The following CADPS variants were observed in gnomAD, a reference collection of about 807,000 sequenced individuals.
CADPS encodes the protein calcium-dependent secretion activator 1.
Under a neutral mutation model 167.3 loss-of-function variants are expected in CADPS, and 57 were observed. The observed-to-expected ratio is 0.34, with a 90% CI of 0.28 to 0.42. The LOEUF is 0.42. CADPS is among the 20% of genes least tolerant of loss of function. The pLI is 1.00. For missense variants in CADPS, 1,414 were observed against 1,738.1 expected (o/e 0.81, Z 3.32); for synonymous variants, 676 against 635.3 (o/e 1.06, Z -0.96).
At chr3:62,531,452 A>T (rs1367372459) in intron 13 of CADPS, among the ~76,000 whole-genome samples, 1 of 152,210 alleles carries the variant, frequency 6.6e-6, no homozygotes, top group Non-Finnish European at 1.5e-5. Flanking sequence ...CAAACCTATG[A>T]TGCTATTGTT....
At chr3:62,840,533 A>G (rs1473213307) in intron 1 of CADPS, among the ~76,000 whole-genome samples, 1 of 152,010 alleles carries the variant, frequency 6.6e-6, no homozygotes, top group Non-Finnish European at 1.5e-5. Flanking sequence ...CAGAAGACAA[A>G]ATGTTGTGTA....
intron 17 of CADPS, among the ~76,000 whole-genome samples, chr3:62,512,299 G>A (rs1024279310): frequency 6.6e-6 from 1 of 152,048 alleles, no homozygotes; most frequent in Non-Finnish European, 1.5e-5. Flanking sequence ...GCTTTATCAT[G>A]CGATACATAC....
chr3:62,838,132 T>C (rs567525871), intron 1 of CADPS, among the ~76,000 whole-genome samples: 4 of 152,302 alleles, frequency 2.6e-5, no homozygotes, highest in African/African-American at 2.4e-5. Flanking sequence ...CTGGAAAAGA[T>C]GTGGCTACTT....
chr3:62,704,687 T>C (rs555585993), intron 3 of CADPS, among the ~76,000 whole-genome samples: 300 of 152,094 alleles, frequency 2.0e-3, no homozygotes, highest in Non-Finnish European at 3.7e-3. Context: ...ATTCCTCTTG[T>C]ATAAGGTAAA....
At chr3:62,840,292 C>A (rs966287838) in intron 1 of CADPS, among the ~76,000 whole-genome samples, 1 of 152,116 alleles carries the variant, frequency 6.6e-6, no homozygotes, top group African/African-American at 2.4e-5. Flanking sequence ...ACATCACATT[C>A]TTTCTGGGAA....
At position 62,481,875 on chromosome 3, in the gene CADPS, G is replaced by A. The variant is rs374239580; in HGVS notation, c.3027-6C>T. The A allele has an allele frequency of 2.9e-5, 46 of 1,603,840 alleles. No homozygotes were observed. Among genetic ancestry groups the A allele is most frequent in the Non-Finnish European group, 2.2e-5 (26 of 1,176,366 alleles). ...GTAGGTTACTGGTTAAACTCCTGTG[G>A]AAGAAACAGACAGAAAGAAAAAATA... is the stretch of plus-strand genomic sequence containing the variant. On this transcript the variant is annotated splice_region_variant and splice_polypyrimidine_tract_variant and intron_variant, in intron 21 of 29. Coordinates refer to ENST00000383710, the MANE Select transcript of CADPS (RefSeq NM_003716.4).
chr3:62,714,220 T>C (rs908249782), intron 3 of CADPS, among the ~76,000 whole-genome samples: 1 of 152,204 alleles, frequency 6.6e-6, no homozygotes, highest in East Asian at 1.9e-4. Flanking sequence ...TGGTAGTTTC[T>C]ATTAATTTCT....
chr3:62,438,248 A>C lies in CADPS; in HGVS notation c.3670-37T>G. On this transcript the variant is annotated intron_variant, in intron 27 of 29. Coordinates refer to ENST00000383710, the MANE Select transcript of CADPS (RefSeq NM_003716.4). The surrounding 1 kb of genome is among the most constrained non-coding windows in gnomAD (Gnocchi z 4.7). ...CAGGAAAACATGAAAACGAATTTTC[A>C]GACAGCCACTCTTCCTTGTTTACCA... The C allele has an allele frequency of 1.4e-6, 2 of 1,445,214 alleles. No homozygotes were observed. Among genetic ancestry groups the C allele is most frequent in the Non-Finnish European group, 1.9e-6 (2 of 1,026,610 alleles). The allele number at this position is 1,445,214 out of a possible 1,614,324, so 89.5% of individuals were successfully genotyped here.
At chr3:62,670,131 G>A (rs1035180115) in intron 3 of CADPS, among the ~76,000 whole-genome samples, 1 of 152,130 alleles carries the variant, frequency 6.6e-6, no homozygotes, top group South Asian at 2.1e-4. Context: ...AGCATCTACA[G>A]CTGCTGCACT....
chr3:62,668,227 A>G (rs539224178), intron 3 of CADPS, among the ~76,000 whole-genome samples: 7 of 152,222 alleles, frequency 4.6e-5, no homozygotes, highest in South Asian at 2.1e-4. Context: ...GGAAAAACCT[A>G]TGGTTCTGAG....
At chr3:62,597,902 T>C (rs1171781442) in intron 6 of CADPS, among the ~76,000 whole-genome samples, 1 of 151,924 alleles carries the variant, frequency 6.6e-6, no homozygotes, top group Admixed American at 6.6e-5. Flanking sequence ...AAAGAGAAGT[T>C]CTCTCATCTA....
chr3:62,467,820 C>T (rs1170606654), intron 24 of CADPS, among the ~76,000 whole-genome samples: 1 of 152,040 alleles, frequency 6.6e-6, no homozygotes, highest in Non-Finnish European at 1.5e-5. Flanking sequence ...TGTAGTCATG[C>T]CTTCAGACTC....
At chr3:62,773,253 T>C (rs1032528200) in intron 1 of CADPS, among the ~76,000 whole-genome samples, 3 of 152,064 alleles carry the variant, frequency 2.0e-5, no homozygotes, top group African/African-American at 7.2e-5. Context: ...TTTTAGAAAA[T>C]TTAGAAATCA....
chr3:62,478,355 G>A lies in CADPS; in HGVS notation c.3235C>T (p.Arg1079Trp). ...WKLDALQTFI[R>W]DLHWPEEEFG... is the part of the protein sequence containing the mutation. ...TCTTCTTCAGGCCAGTGCAGGTCCC[G>A]AATGAAGGTCTGAAGGGCGTCAAGT... is the stretch of plus-strand genomic sequence containing the variant. The change falls in exon 23 of 30, where the codon CGG becomes TGG. Residue 1079 changes from arginine (R) to tryptophan (W), a missense_variant. This residue lies in a region of CADPS where 529 missense variants were observed against 629.6 expected (regional missense o/e 0.84). Transcript: ENST00000383710. This position sits in a 1 kb window ranked among gnomAD's most constrained non-coding sequence, Gnocchi z 5.7. 2 of 1,613,814 alleles carry A rather than the reference G, an allele frequency of 1.2e-6. No individual in the cohort carries two copies. The highest frequency in any genetic ancestry group is 1.3e-5 in the African/African-American group (1 of 75,026).
intron 13 of CADPS, among the ~76,000 whole-genome samples, chr3:62,524,245 G>T (rs1002505278): frequency 1.3e-5 from 2 of 152,128 alleles, no homozygotes; most frequent in East Asian, 3.9e-4. Flanking sequence ...CTCAAAAGGA[G>T]ATATCCCTGC....
intron 17 of CADPS, among the ~76,000 whole-genome samples, chr3:62,508,101 C>T (rs762574565): frequency 3.3e-5 from 5 of 152,136 alleles, no homozygotes; most frequent in Non-Finnish European, 5.9e-5. Flanking sequence ...TAGAGCTGCA[C>T]GTATATGACT....
intron 3 of CADPS, among the ~76,000 whole-genome samples, chr3:62,745,975 T>C (rs1157567789): frequency 6.6e-6 from 1 of 152,190 alleles, no homozygotes; most frequent in East Asian, 1.9e-4. Context: ...AAACAGGGTA[T>C]TGTTTCAGGA....
In CADPS at chr3:62,544,973, C is replaced by A; in HGVS notation, c.1966+4930G>T. 1 of 426,076 alleles carries A rather than the reference C, an allele frequency of 2.3e-6. No homozygotes were observed. Among genetic ancestry groups the A allele is most frequent in the Non-Finnish European group, 3.4e-6 (1 of 295,908 alleles). The allele number at this position is 426,076 out of a possible 1,614,324, so 26.4% of individuals were successfully genotyped here. On this transcript the variant is annotated intron_variant, in intron 11 of 29. Transcript: ENST00000383710. The surrounding 1 kb of genome is among the most constrained non-coding windows in gnomAD (Gnocchi z 4.4). ...AGCAGCCTAAGTTCTTGGGTTCGAGCAAAGATTGAACAAGAAAACTTAAAC... is the reference window on the plus strand; with the variant it reads ...AGCAGCCTAAGTTCTTGGGTTCGAGAAAAGATTGAACAAGAAAACTTAAAC...
chr3:62,783,285 T>C (rs2091984459), intron 1 of CADPS, among the ~76,000 whole-genome samples: 1 of 151,566 alleles, frequency 6.6e-6, no homozygotes, highest in Non-Finnish European at 1.5e-5. Flanking sequence ...ACCTCAACTT[T>C]TTTTTTTTTT....
Sources: gnomAD v4.1 joint callset for allele counts (sites outside exome capture counted in the v4.1 genomes callset) on GRCh38, gnomAD v4.1.1 for gene constraint, gnomAD v4.1.1 regional missense constraint, Gnocchi (gnomAD v3.1) non-coding constraint, MANE v1.5 for transcripts, NCBI Gene and HGNC (gene_info 2026-07-23, HGNC 2026-07-21) for gene names.